The following SMAD9 variants were observed in gnomAD, a reference collection of about 807,000 sequenced individuals.
The protein encoded by SMAD9 is MAD homolog 9.
A neutral mutation model predicts 46.1 loss-of-function variants in SMAD9; 36 were observed. The observed-to-expected ratio is 0.78, with a 90% CI of 0.60 to 1.03. SMAD9 has a LOEUF of 1.03. Ranked by LOEUF, SMAD9 falls within the 50% of genes least tolerant of loss-of-function variation. The pLI is 0.00. For synonymous variants in SMAD9, 245 were observed against 237.1 expected, an observed-to-expected ratio of 1.03 and a Z score of -0.31; for missense variants, 572 against 599.8, an observed-to-expected ratio of 0.95 and a Z score of 0.48.
intron 1 of SMAD9, among the ~76,000 whole-genome samples, chr13:36,901,913 G>A (rs74816317): frequency 0.026 from 3,898 of 152,286 alleles, 156 homozygotes; most frequent in African/African-American, 0.089. Context: ...TAGACCCTGA[G>A]ATACATGATT....
chr13:36,900,889 C>A (rs2138632960), intron 1 of SMAD9, among the ~76,000 whole-genome samples: 1 of 152,226 alleles, frequency 6.6e-6, no homozygotes, highest in African/African-American at 2.4e-5. Flanking sequence ...ACATTTTGAT[C>A]ACTCCAAAAT....
At chr13:36,886,872 T>C (rs1260745449) in intron 1 of SMAD9, among the ~76,000 whole-genome samples, 1 of 151,838 alleles carries the variant, frequency 6.6e-6, no homozygotes, top group African/African-American at 2.4e-5. Flanking sequence ...GTGGAGAGAA[T>C]TCCATGCATT....
intron 1 of SMAD9, among the ~76,000 whole-genome samples, chr13:36,900,522 A>G (rs890360232): frequency 4.2e-4 from 64 of 151,934 alleles, no homozygotes; most frequent in African/African-American, 1.5e-3. Flanking sequence ...CTCGTGATCC[A>G]CCCACCTCAG....
At chr13:36,903,369 C>T (rs368796639) in intron 1 of SMAD9, among the ~76,000 whole-genome samples, 11 of 152,230 alleles carry the variant, frequency 7.2e-5, no homozygotes, top group South Asian at 4.2e-4. Context: ...TCGTGAACCA[C>T]CTGCCTCGGC....
chr13:36,889,797 T>A (rs1176558111), intron 1 of SMAD9, among the ~76,000 whole-genome samples: 1 of 152,122 alleles, frequency 6.6e-6, no homozygotes, highest in Non-Finnish European at 1.5e-5. Flanking sequence ...TATTGAATTG[T>A]TTATCATCTG....
intron 5 of SMAD9, among the ~76,000 whole-genome samples, chr13:36,864,799 C>T (rs2058215976): frequency 6.6e-6 from 1 of 152,186 alleles, no homozygotes; most frequent in South Asian, 2.1e-4. Flanking sequence ...AGGCTCCCTT[C>T]CCGAGGTGGC....
At position 36,853,412 on chromosome 13, in the gene SMAD9, TCCTTA is replaced by T; in HGVS notation, c.1260+2_1260+6del. ...CATTTTATAACGTGATAGCAAGCACTCCTTACCTTAACAAAACTCATCCGGATAGT... is the reference window on the plus strand; with the variant it reads ...CATTTTATAACGTGATAGCAAGCACTCCTTAACAAAACTCATCCGGATAGT... On this transcript the variant is annotated splice_donor_variant and splice_donor_5th_base_variant and intron_variant, in intron 6 of 6. Transcript: ENST00000379826. LOFTEE classifies it high-confidence loss of function. 2 of 1,613,738 alleles carry T rather than the reference TCCTTA, an allele frequency of 1.2e-6. No homozygotes were observed. Among genetic ancestry groups the T allele is most frequent in the Non-Finnish European group, 1.7e-6 (2 of 1,180,006 alleles).
rs2058045102 is a variant in SMAD9, at chr13:36,847,602, TA to T, written c.*1073del. ...TAGGTTAAATAACTCATTGATCCAATAATGTGTCTAGATTTTCTCAAAGTCT... is the reference window on the plus strand; with the variant it reads ...TAGGTTAAATAACTCATTGATCCAATATGTGTCTAGATTTTCTCAAAGTCT... On this transcript the variant is annotated 3_prime_UTR_variant, in exon 7 of 7. Transcript: ENST00000379826. 6.6e-6 allele frequency: 1 copy of T among 152,242 alleles called. No individual in the cohort carries two copies. 9.4% of individuals were successfully genotyped at this position (152,242 alleles called of 1,614,324 possible). A position where few individuals can be genotyped will look rare whatever the true frequency, so the allele number is the denominator to read the frequency against.
At position 36,847,224 on chromosome 13, in the gene SMAD9, GA is replaced by G. The variant is rs1217088029; in HGVS notation, c.*1451del. 3 of 152,190 alleles carry G rather than the reference GA, an allele frequency of 2.0e-5. No individual in the cohort carries two copies. Among genetic ancestry groups the G allele is most frequent in the African/African-American group, 7.2e-5 (3 of 41,440 alleles). 9.4% of individuals were successfully genotyped at this position (152,190 alleles called of 1,614,324 possible). Reference sequence around the variant, plus strand: ...AAAACTACCATGTGCACTAATGCTAGAAAGAGTTGAGATAAAATGTATAAAT... The same window carrying G: ...AAAACTACCATGTGCACTAATGCTAGAAGAGTTGAGATAAAATGTATAAAT... On this transcript the variant is annotated 3_prime_UTR_variant, in exon 7 of 7. Coordinates refer to ENST00000379826, the MANE Select transcript of SMAD9 (RefSeq NM_001127217.3).
At chr13:36,871,179 CAAT>C (rs1566021663) in intron 3 of SMAD9, among the ~76,000 whole-genome samples, 1 of 152,172 alleles carries the variant, frequency 6.6e-6, no homozygotes, top group African/African-American at 2.4e-5. Flanking sequence ...CTTACTGAGT[CAAT>C]AAAACCTGTG....
At chr13:36,854,568 T>C (rs2058105050) in intron 5 of SMAD9, among the ~76,000 whole-genome samples, 1 of 152,114 alleles carries the variant, frequency 6.6e-6, no homozygotes, top group Non-Finnish European at 1.5e-5. Flanking sequence ...GGTTTCACCA[T>C]GTTGGCCAGG....
intron 2 of SMAD9, among the ~76,000 whole-genome samples, chr13:36,877,496 C>T (rs1233604107): frequency 6.9e-6 from 1 of 145,326 alleles, no homozygotes; most frequent in Non-Finnish European, 1.5e-5. Flanking sequence ...TTCAGGAAGA[C>T]AGAAATGATT....
intron 1 of SMAD9, among the ~76,000 whole-genome samples, chr13:36,882,090 C>T (rs2058407379): frequency 6.6e-6 from 1 of 152,020 alleles, no homozygotes; most frequent in Admixed American, 6.5e-5. Context: ...TTACCAATGG[C>T]ATGTGAAATC....
intron 6 of SMAD9, among the ~76,000 whole-genome samples, chr13:36,850,234 G>C (rs989416465): frequency 1.3e-5 from 2 of 152,156 alleles, no homozygotes; most frequent in South Asian, 4.2e-4. Context: ...GTCTTTTCTC[G>C]GCTTCCAAAG....
intron 5 of SMAD9, among the ~76,000 whole-genome samples, chr13:36,860,160 G>A (rs547248573): frequency 6.6e-6 from 1 of 152,196 alleles, no homozygotes; most frequent in South Asian, 2.1e-4. Flanking sequence ...GTCTGGGTCA[G>A]GACCGCTTTC....
At chr13:36,884,068 T>G (rs578153817) in intron 1 of SMAD9, among the ~76,000 whole-genome samples, 1 of 152,196 alleles carries the variant, frequency 6.6e-6, no homozygotes, top group Non-Finnish European at 1.5e-5. Flanking sequence ...CTGGGACTAC[T>G]TGTAGTAGTC....
At chr13:36,857,953 A>G (rs1241887123) in intron 5 of SMAD9, among the ~76,000 whole-genome samples, 1 of 152,084 alleles carries the variant, frequency 6.6e-6, no homozygotes, top group Non-Finnish European at 1.5e-5. Context: ...AAATATATAT[A>G]TTTCTGAGTG....
At chr13:36,876,695 G>C (rs753462607) in intron 2 of SMAD9, among the ~76,000 whole-genome samples, 33 of 152,146 alleles carry the variant, frequency 2.2e-4, no homozygotes, top group South Asian at 1.0e-3. Flanking sequence ...TATTGAAGTG[G>C]ATGTGTGAAT....
At chr13:36,862,075 A>G (rs1242784349) in intron 5 of SMAD9, among the ~76,000 whole-genome samples, 1 of 152,014 alleles carries the variant, frequency 6.6e-6, no homozygotes, top group Non-Finnish European at 1.5e-5. Context: ...ATTTGAATGG[A>G]CCCCCTCTCC....
Sources: gnomAD v4.1 joint callset for allele counts (sites outside exome capture counted in the v4.1 genomes callset) on GRCh38, gnomAD v4.1.1 for gene constraint, MANE v1.5 for transcripts, NCBI Gene and HGNC (gene_info 2026-07-23, HGNC 2026-07-21) for gene names.